PDE8B: variants seen among roughly 807,000 people sequenced by gnomAD.
The protein encoded by PDE8B is phosphodiesterase 8B, also known as high affinity cAMP-specific and IBMX-insensitive 3',5'-cyclic phosphodiesterase 8B.
Under a neutral mutation model 101.3 loss-of-function variants are expected in PDE8B, and 26 were observed. The observed-to-expected ratio is 0.26, with a 90% confidence interval of 0.19 to 0.36. The LOEUF is 0.36. Among genes scored for constraint, PDE8B ranks in the 10% least tolerant of loss-of-function variants. The pLI is 1.00. For missense variants in PDE8B, 810 were observed against 1,163.1 expected, an observed-to-expected ratio of 0.70 and a Z score of 4.42; for synonymous variants, 424 against 429.3, an observed-to-expected ratio of 0.99 and a Z score of 0.15.
intron 1 of PDE8B, among the ~76,000 whole-genome samples, chr5:77,273,096 A>G (rs1403215971): frequency 6.6e-6 from 1 of 152,198 alleles, no homozygotes; most frequent in Non-Finnish European, 1.5e-5. Context: ...GCTGATTATA[A>G]GAGTTAGGAC....
chr5:77,422,896 G>A (rs368977242), intron 20 of PDE8B, among the ~76,000 whole-genome samples: 3 of 152,188 alleles, frequency 2.0e-5, no homozygotes, highest in African/African-American at 7.2e-5. Flanking sequence ...AGATTTGGGG[G>A]TACATGTGCA....
the PDE8B span, among the ~76,000 whole-genome samples, chr5:77,162,350 A>C: frequency 2.6e-5 from 4 of 152,292 alleles, no homozygotes; most frequent in African/African-American, 9.6e-5. Flanking sequence ...GTTTCCCCTA[A>C]GTTCATCTGT....
At chr5:77,313,100 G>A (rs1025336041) in intron 2 of PDE8B, among the ~76,000 whole-genome samples, 1 of 152,168 alleles carries the variant, frequency 6.6e-6, no homozygotes, top group Admixed American at 6.5e-5. Flanking sequence ...TGTAAAAACT[G>A]TAGCTTATTA....
the PDE8B span, chr5:77,143,829 A>G: frequency 1.3e-5 from 2 of 150,998 alleles, no homozygotes; most frequent in South Asian, 2.1e-4. Context: ...CCAAGCCTCA[A>G]TCTCATAAGG....
At chr5:77,210,471 C>T, upstream of PDE8B, 2 of 259,212 alleles carry the variant, frequency 7.7e-6, no homozygotes, top group Non-Finnish European at 1.2e-5. The surrounding 1 kb of genome is among the most constrained non-coding windows in gnomAD (Gnocchi z 4.9). Flanking sequence ...AGGGGACGGG[C>T]GCAGACCGAA....
At chr5:77,387,497 A>AT (rs1788969874) in intron 10 of PDE8B, among the ~76,000 whole-genome samples, 1 of 151,872 alleles carries the variant, frequency 6.6e-6, no homozygotes, top group South Asian at 2.1e-4. Context: ...TGCCCTTAAC[A>AT]TTTTTTCCTT....
chr5:77,249,718 T>C (rs570402547), intron 1 of PDE8B, among the ~76,000 whole-genome samples: 6 of 152,386 alleles, frequency 3.9e-5, no homozygotes, highest in Middle Eastern at 3.4e-3. Context: ...GCATCCTGCC[T>C]TATCAGCTGT....
intron 9 of PDE8B, among the ~76,000 whole-genome samples, chr5:77,352,080 T>A (rs1290414091): frequency 6.6e-6 from 1 of 152,226 alleles, no homozygotes; most frequent in Non-Finnish European, 1.5e-5. Context: ...CACCTGGTAT[T>A]TCATGCCATT....
intron 1 of PDE8B, among the ~76,000 whole-genome samples, chr5:77,303,124 G>A (rs1770354565): frequency 6.6e-6 from 1 of 152,080 alleles, no homozygotes; most frequent in South Asian, 2.1e-4. Flanking sequence ...ACCAAAATAG[G>A]AAATAGACTT....
chr5:77,166,630 A>G, the PDE8B span: 3 of 152,212 alleles, frequency 2.0e-5, no homozygotes, highest in Non-Finnish European at 2.9e-5. Flanking sequence ...TGTATATGCA[A>G]CAGTCATTTT....
At chr5:77,371,083 G>A (rs1785009780) in intron 10 of PDE8B, among the ~76,000 whole-genome samples, 1 of 152,112 alleles carries the variant, frequency 6.6e-6, no homozygotes, top group African/African-American at 2.4e-5. Context: ...CTTTCACTCT[G>A]TGAGTTTCCT....
chr5:77,232,366 G>C (rs1753757757), intron 1 of PDE8B, among the ~76,000 whole-genome samples: 1 of 152,222 alleles, frequency 6.6e-6, no homozygotes, highest in African/African-American at 2.4e-5. Flanking sequence ...CTGTCTTTCA[G>C]ATTGGCAGAG....
chr5:77,286,839 C>G (rs1766117466), intron 1 of PDE8B, among the ~76,000 whole-genome samples: 1 of 152,134 alleles, frequency 6.6e-6, no homozygotes, highest in East Asian at 1.9e-4. Context: ...AGTTAACTCC[C>G]TGTTTATACC....
rs990625517 is a variant in PDE8B, at chr5:77,277,675, T to C, written c.340-34319T>C. On this transcript the variant is annotated intron_variant, in intron 1 of 21. Transcript: ENST00000264917. The stretch of plus-strand genomic sequence containing the variant: ...ACCTGCCATTTCTCTTCTTTCTCTT[T>C]TGTTCATTTTACAGGAAATGGGAGA... Among the ~76,000 whole-genome samples, 3 of 152,232 alleles carry C rather than the reference T, an allele frequency of 2.0e-5. No homozygotes were observed. The South Asian group carries it at 6.2e-4, about 31-fold the overall frequency.
chr5:77,375,897 T>G, intron 10 of PDE8B, among the ~76,000 whole-genome samples: 1 of 144,150 alleles, frequency 6.9e-6, no homozygotes. Context: ...TTCTTTTTTT[T>G]TTTTTTTTTT....
At chr5:77,378,589 A>C (rs1786810139) in intron 10 of PDE8B, among the ~76,000 whole-genome samples, 1 of 152,144 alleles carries the variant, frequency 6.6e-6, no homozygotes, top group Admixed American at 6.6e-5. Flanking sequence ...TAAATGGCAA[A>C]ATGTAGATTC....
chr5:77,417,174 A>T lies in PDE8B; in HGVS notation c.1912-1055A>T, dbSNP rs143602072. ...TCGTCAGTTGCACTGGCTACCTTTC[A>T]AGTGTCCAGTAGCTGCATGCAACTA... On this transcript the variant is annotated intron_variant, in intron 17 of 21. Coordinates refer to ENST00000264917, the MANE Select transcript of PDE8B (RefSeq NM_003719.5). Among the ~76,000 whole-genome samples the T allele has an allele frequency of 1.7e-3, 257 of 152,248 alleles. 3 individuals are homozygous for T. Among genetic ancestry groups the T allele is most frequent in the African/African-American group, 6.1e-3 (252 of 41,534 alleles).
At chr5:77,264,593 G>A (rs1052139525) in intron 1 of PDE8B, among the ~76,000 whole-genome samples, 1 of 152,158 alleles carries the variant, frequency 6.6e-6, no homozygotes, top group African/African-American at 2.4e-5. Flanking sequence ...GTAGCAAAAA[G>A]TAGGGGGTGA....
At chr5:77,140,316 G>A in the PDE8B span, 2 of 152,064 alleles carry the variant, frequency 1.3e-5, no homozygotes, top group African/African-American at 2.4e-5. Flanking sequence ...GTAGCCCTCA[G>A]GAACTCAGAT....
Sources: gnomAD v4.1 joint callset for allele counts (sites outside exome capture counted in the v4.1 genomes callset) on GRCh38, gnomAD v4.1.1 for gene constraint, Gnocchi (gnomAD v3.1) non-coding constraint, MANE v1.5 for transcripts, NCBI Gene and HGNC (gene_info 2026-07-23, HGNC 2026-07-21) for gene names.